Variants in ARFGAP3 observed in about 807,000 individuals in gnomAD.
The protein encoded by ARFGAP3 is ADP-ribosylation factor GTPase-activating protein 3.
Under a neutral mutation model 75.0 loss-of-function variants are expected in ARFGAP3, and 72 were observed. That is an observed-to-expected ratio of 0.96 (90% CI 0.79 to 1.17). ARFGAP3 has a LOEUF of 1.17. Ranked by LOEUF, ARFGAP3 falls within the 50% of genes most tolerant of loss-of-function variation. ARFGAP3 has a pLI of 0.00. For missense variants in ARFGAP3, 620 were observed against 626.6 expected, an observed-to-expected ratio of 0.99 and a Z score of 0.11; for synonymous variants, 221 against 217.9, an observed-to-expected ratio of 1.01 and a Z score of -0.13.
intron 3 of ARFGAP3, among the ~76,000 whole-genome samples, chr22:42,837,637 AAAC>A (rs200623528): frequency 0.014 from 2,055 of 144,176 alleles, 52 homozygotes; most frequent in African/African-American, 0.053. Context: ...AAAAAAAAAA[AAAC>A]CAAAAAAAAG....
At chr22:42,828,987 A>G (rs1456105655) in intron 6 of ARFGAP3, among the ~76,000 whole-genome samples, 1 of 152,186 alleles carries the variant, frequency 6.6e-6, no homozygotes. Context: ...GCCTGGCCTC[A>G]AAGCCCTTTT....
chr22:42,831,531 C>T lies in ARFGAP3; in HGVS notation c.565+18G>A, dbSNP rs781457734. 1.4e-5 allele frequency: 23 copies of T among 1,609,094 alleles called. No homozygotes were observed. The Middle Eastern group carries it at 8.2e-4, about 58-fold the overall frequency. ...TGAACCATAGAATAGTATTACATGA[C>T]AGTTCTAAGGACTCCACCTTCATTA... On this transcript the variant is annotated intron_variant, in intron 6 of 15. Transcript: ENST00000263245.
At chr22:42,841,210 T>C in intron 2 of ARFGAP3, 194 bp from the exon 3 acceptor site, 2 of 562,500 alleles carry the variant, frequency 3.6e-6, no homozygotes, top group Non-Finnish European at 4.5e-6. Context: ...CCCTGGCTCC[T>C]CTCGTCCTTC....
At chr22:42,801,574 C>T (rs1376820061) in intron 14 of ARFGAP3, among the ~76,000 whole-genome samples, 4 of 152,222 alleles carry the variant, frequency 2.6e-5, no homozygotes, top group South Asian at 2.1e-4. Context: ...GTGCTGGAGG[C>T]GGAACACATC....
At chr22:42,825,640 G>A (rs1344023273) in intron 7 of ARFGAP3, among the ~76,000 whole-genome samples, 1 of 150,190 alleles carries the variant, frequency 6.7e-6, no homozygotes, top group African/African-American at 2.5e-5. Flanking sequence ...AGCTGAGATC[G>A]TGCCAGTGTA....
intron 10 of ARFGAP3, 134 bp from the exon 11 acceptor site, chr22:42,817,398 AT>A (rs35542917): frequency 0.012 from 15,226 of 1,253,414 alleles, 118 homozygotes; most frequent in Admixed American, 0.016. Flanking sequence ...CAATAAAACA[AT>A]TTTTTTTTCT....
At chr22:42,823,767 T>A in intron 7 of ARFGAP3, 65 bp from the exon 8 acceptor site, 1 of 1,385,388 alleles carries the variant, frequency 7.2e-7, no homozygotes, top group African/African-American at 1.5e-5. Context: ...TAGTGTGTCT[T>A]TTAAAATTCT....
At chr22:42,799,357 CAGAAA>C in intron 14 of ARFGAP3, 197 bp from the exon 15 acceptor site, 2 of 516,692 alleles carry the variant, frequency 3.9e-6, no homozygotes, top group Non-Finnish European at 5.0e-6. Context: ...ATCCACACGA[CAGAAA>C]ATGTAGTATG....
At chr22:42,806,223 TCA>T (rs1925115194) in intron 14 of ARFGAP3, among the ~76,000 whole-genome samples, 2 of 152,202 alleles carry the variant, frequency 1.3e-5, no homozygotes, top group African/African-American at 4.8e-5. Flanking sequence ...TGAAATGACC[TCA>T]GAGGACGCTG....
intron 8 of ARFGAP3, among the ~76,000 whole-genome samples, chr22:42,823,119 T>C (rs78705951): frequency 0.011 from 1,606 of 152,106 alleles, 29 homozygotes; most frequent in African/African-American, 0.036. Context: ...CTATTGTTTT[T>C]TTTTCCCCCC....
At chr22:42,846,526 G>A (rs1233375627) in intron 2 of ARFGAP3, among the ~76,000 whole-genome samples, 1 of 152,222 alleles carries the variant, frequency 6.6e-6, no homozygotes, top group Non-Finnish European at 1.5e-5. Context: ...ATCAGAAGTA[G>A]AAGACGGTTT....
intron 1 of ARFGAP3, among the ~76,000 whole-genome samples, chr22:42,848,477 G>C (rs1019225647): frequency 1.3e-5 from 2 of 152,198 alleles, no homozygotes; most frequent in Non-Finnish European, 2.9e-5. Context: ...CAAAGTGCTG[G>C]GATTACAGGC....
chr22:42,805,292 G>A lies in ARFGAP3; in HGVS notation c.1411+1781C>T, dbSNP rs1229969398. ...TTTTTGTTCAGTAACTGGAAAGGCT[G>A]CTCTCATTTGATCTCCAAATATTTT... is the stretch of plus-strand genomic sequence containing the variant. On this transcript the variant is annotated intron_variant, in intron 14 of 15. Coordinates refer to ENST00000263245, the MANE Select transcript of ARFGAP3 (RefSeq NM_014570.5). Among the ~76,000 whole-genome samples, 5 of 152,238 alleles carry A rather than the reference G, an allele frequency of 3.3e-5. No individual in the cohort carries two copies. In the East Asian group the frequency reaches 9.6e-4, roughly 29 times the overall value.
chr22:42,803,900 CTTTT>C (rs11289963), intron 14 of ARFGAP3, among the ~76,000 whole-genome samples: 51 of 119,664 alleles, frequency 4.3e-4, no homozygotes, highest in African/African-American at 1.6e-3. Context: ...CCTCCTTCCT[CTTTT>C]TTTTTTTTTT....
rs764462210 is a variant in ARFGAP3 at position 42,835,517 on chromosome 22, A to C, written c.262-24T>G. The C allele has an allele frequency of 5.0e-6, 8 of 1,612,308 alleles. No individual in the cohort carries two copies. The South Asian group carries it at 8.8e-5, about 18-fold the overall frequency. On this transcript the variant is annotated intron_variant, in intron 3 of 15. Transcript: ENST00000263245. ...GACTACAGAGAAAAGCATGCACATT[A>C]ATATTTTCGTAAAACTACGTATGGC...
Position 42,807,182 on chromosome 22 carries a change from A to G in ARFGAP3, c.1321-19T>C, listed in dbSNP as rs777899384. Reference sequence around the variant, plus strand: ...TCTCATACTAGAGAAGACAAGGAAAAGGAAATGTTAGGCTCCAAAGATTGT... The same window carrying G: ...TCTCATACTAGAGAAGACAAGGAAAGGGAAATGTTAGGCTCCAAAGATTGT... On this transcript the variant is annotated intron_variant, in intron 13 of 15. Coordinates refer to ENST00000263245, the MANE Select transcript of ARFGAP3 (RefSeq NM_014570.5). The G allele has an allele frequency of 1.9e-6, 3 of 1,593,734 alleles. No homozygotes were observed. The Admixed American group carries it at 5.4e-5, about 29-fold the overall frequency.
chr22:42,855,705 T>TAA (rs112759662), intron 1 of ARFGAP3, among the ~76,000 whole-genome samples: 23 of 130,334 alleles, frequency 1.8e-4, no homozygotes, highest in African/African-American at 6.2e-4. Context: ...ATTAAAACGT[T>TAA]AAAAAAAAAA....
chr22:42,842,817 A>G lies in ARFGAP3; in HGVS notation c.189-1801T>C, dbSNP rs552180185. On this transcript the variant is annotated intron_variant, in intron 2 of 15. Transcript: ENST00000263245. ...TGATTACCTCTATAAGGTCATAAAA[A>G]GCGTTGCCTTTCTACGCCAACATCA... Among the ~76,000 whole-genome samples, 8 of 152,214 alleles carry G rather than the reference A, an allele frequency of 5.3e-5. No homozygotes were observed. The South Asian group carries it at 1.7e-3, about 32-fold the overall frequency.
At chr22:42,810,773 A>G (rs745802270) in intron 12 of ARFGAP3, 40 bp downstream of exon 12, 6 of 1,564,110 alleles carry the variant, frequency 3.8e-6, no homozygotes, top group Non-Finnish European at 5.2e-6. Context: ...CCAGAAATGC[A>G]TGGATTCACT....
Sources: gnomAD v4.1 joint callset for allele counts (sites outside exome capture counted in the v4.1 genomes callset) on GRCh38, gnomAD v4.1.1 for gene constraint, MANE v1.5 for transcripts, NCBI Gene and HGNC (gene_info 2026-07-23, HGNC 2026-07-21) for gene names.